Variants in NEBL observed in about 807,000 individuals in gnomAD.
The protein encoded by NEBL is nebulette, also known as LIM and SH3 protein 2.
In NEBL, 122 loss-of-function variants were observed where a neutral mutation model predicts 140.2. The ratio of observed to expected loss-of-function variants is 0.87; its 90% CI spans 0.75 to 1.01. NEBL has a LOEUF of 1.01. NEBL is among the 50% of genes least tolerant of loss of function. NEBL has a pLI of 0.00. For synonymous variants in NEBL, 436 were observed against 398.9 expected (o/e 1.09, Z -1.11); for missense variants, 1,365 against 1,231.3 (o/e 1.11, Z -1.62).
intron 3 of NEBL, among the ~76,000 whole-genome samples, chr10:21,008,551 C>T (rs1838219655): frequency 6.6e-6 from 1 of 152,018 alleles, no homozygotes; most frequent in African/African-American, 2.4e-5. Flanking sequence ...TGAAAAAATG[C>T]TCAACATCAC....
At chr10:21,020,834 G>A (rs997263773) in intron 2 of NEBL, among the ~76,000 whole-genome samples, 12 of 152,054 alleles carry the variant, frequency 7.9e-5, no homozygotes, top group Non-Finnish European at 7.4e-5. Flanking sequence ...CCCCACTCAA[G>A]GTCCTCACCT....
At chr10:21,269,221 G>A (rs1379415227) in intron 1 of NEBL, among the ~76,000 whole-genome samples, 2 of 152,176 alleles carry the variant, frequency 1.3e-5, no homozygotes, top group African/African-American at 4.8e-5. Context: ...AGTCCTCTAA[G>A]AGGGGTTGGT....
intron 2 of NEBL, among the ~76,000 whole-genome samples, chr10:21,095,046 C>T (rs916575203): frequency 6.6e-6 from 1 of 152,186 alleles, no homozygotes; most frequent in African/African-American, 2.4e-5. Context: ...GATCTGGGAA[C>T]CACCTGCATC....
intron 2 of NEBL, among the ~76,000 whole-genome samples, chr10:21,071,607 G>A (rs1047514944): frequency 6.6e-6 from 1 of 152,154 alleles, no homozygotes; most frequent in Non-Finnish European, 1.5e-5. Flanking sequence ...CTAATGCAGT[G>A]GCTGTTCTTT....
At chr10:21,050,374 G>A (rs896979999) in intron 2 of NEBL, among the ~76,000 whole-genome samples, 11 of 152,046 alleles carry the variant, frequency 7.2e-5, no homozygotes, top group Non-Finnish European at 1.6e-4. Flanking sequence ...CACAGCCAAC[G>A]TGTAAAATCC....
Position 21,173,952 on chromosome 10 carries a change from G to A in NEBL, c.-119C>T. 7.3e-7 allele frequency: 1 copy of A among 1,378,338 alleles called. No homozygotes were observed. The highest frequency in any genetic ancestry group is 9.3e-7 in the Non-Finnish European group (1 of 1,077,438). 85.4% of individuals were successfully genotyped at this position (1,378,338 alleles called of 1,614,324 possible). On this transcript the variant is annotated 5_prime_UTR_variant, in exon 1 of 7. Coordinates refer to the NEBL transcript ENST00000417816. This position sits in a 1 kb window ranked among gnomAD's most constrained non-coding sequence, Gnocchi z 5.7. ...GGCGGGAGGGCTGCGGGCGGCGGGC[G>A]CCGGGTAGGGAGTCGGCGCCGGGCC...
intron 26 of NEBL, among the ~76,000 whole-genome samples, chr10:20,802,027 A>C (rs1281878837): frequency 6.6e-6 from 1 of 151,936 alleles, no homozygotes; most frequent in Non-Finnish European, 1.5e-5. Context: ...TCCCCATCAC[A>C]CTCCCATATC....
chr10:21,243,892 G>C (rs545948188), intron 3 of NEBL, among the ~76,000 whole-genome samples: 4 of 149,690 alleles, frequency 2.7e-5, no homozygotes, highest in Non-Finnish European at 4.4e-5. Context: ...GAAAGAGAGA[G>C]AGAGAGGAAG....
At chr10:21,239,693 T>C (rs566151471) in intron 3 of NEBL, among the ~76,000 whole-genome samples, 248 of 152,238 alleles carry the variant, frequency 1.6e-3, no homozygotes, top group African/African-American at 5.6e-3. Context: ...GCCAGCCTCG[T>C]CCAAACTCAG....
rs10828131 is a variant in NEBL, at chr10:20,780,243, T to G, written c.*5504A>C. 45,919 of 152,136 alleles carry G rather than the reference T, an allele frequency of 0.3. 7,124 individuals carry two copies. Among genetic ancestry groups the G allele is most frequent in the East Asian group, 0.45 (2,355 of 5,180 alleles). 9.4% of individuals were successfully genotyped at this position (152,136 alleles called of 1,614,324 possible). On this transcript the variant is annotated 3_prime_UTR_variant, in exon 28 of 28. Coordinates refer to ENST00000377122, the MANE Select transcript of NEBL (RefSeq NM_006393.3). ...TTGCTTCCCATTTTATGTACTCAATTTGTGCACTTTCTATTCTATGCTCCA... is the reference window on the plus strand; with the variant it reads ...TTGCTTCCCATTTTATGTACTCAATGTGTGCACTTTCTATTCTATGCTCCA...
chr10:21,270,389 CAG>C (rs1210611518), intron 1 of NEBL, among the ~76,000 whole-genome samples: 10 of 146,880 alleles, frequency 6.8e-5, no homozygotes, highest in Non-Finnish European at 1.2e-4. Flanking sequence ...TTTTTTGAGA[CAG>C]AGTCTCACTC....
intron 4 of NEBL, among the ~76,000 whole-genome samples, chr10:20,914,574 T>G (rs1848460595): frequency 6.6e-6 from 1 of 152,218 alleles, no homozygotes; most frequent in African/African-American, 2.4e-5. Flanking sequence ...TTGTTCAGGT[T>G]TTCTAATTCC....
rs141311959 is a variant in NEBL, at chr10:20,781,580, A to G, written c.*4167T>C. On this transcript the variant is annotated 3_prime_UTR_variant, in exon 28 of 28. Coordinates refer to ENST00000377122, the MANE Select transcript of NEBL (RefSeq NM_006393.3). ...ATACTATGCAAACTGGATACCATGT[A>G]TCAAGCACAAAAAATCCTATGGCAT... The G allele has an allele frequency of 1.2e-4, 19 of 152,348 alleles. No individual in the cohort carries two copies. Among genetic ancestry groups the G allele is most frequent in the African/African-American group, 4.6e-4 (19 of 41,586 alleles). The allele number at this position is 152,348 out of a possible 1,614,324, so 9.4% of individuals were successfully genotyped here.
chr10:21,121,653 C>T (rs965666467), intron 2 of NEBL, among the ~76,000 whole-genome samples: 1 of 152,138 alleles, frequency 6.6e-6, no homozygotes, highest in African/African-American at 2.4e-5. Flanking sequence ...ATCCAATCTC[C>T]TACCCAATGC....
At chr10:21,221,514 C>CTTTCT (rs772593284) in intron 3 of NEBL, among the ~76,000 whole-genome samples, 19 of 148,642 alleles carry the variant, frequency 1.3e-4, no homozygotes, top group African/African-American at 4.4e-4. Context: ...TTCTTTCTTT[C>CTTTCT]TTTTTTTTTT....
intron 11 of NEBL, 146 bp from the exon 12 acceptor site, chr10:20,845,514 T>A (rs1841837293): frequency 6.7e-6 from 4 of 594,124 alleles, no homozygotes; most frequent in Non-Finnish European, 1.2e-5. Context: ...GGGAAATAAG[T>A]TCAACTTTGT....
chr10:20,991,673 C>T (rs1837459916), intron 3 of NEBL, among the ~76,000 whole-genome samples: 1 of 151,242 alleles, frequency 6.6e-6, no homozygotes, highest in Non-Finnish European at 1.5e-5. Context: ...GGGTATGTTT[C>T]ATGATGCAGA....
chr10:21,151,515 A>G (rs1440433139), intron 2 of NEBL, among the ~76,000 whole-genome samples: 2 of 150,908 alleles, frequency 1.3e-5, no homozygotes, highest in Non-Finnish European at 2.9e-5. Context: ...CAAAGTGAAA[A>G]AAAACTTAAA....
chr10:20,851,872 G>A (rs1051072212), intron 10 of NEBL, among the ~76,000 whole-genome samples: 20 of 152,160 alleles, frequency 1.3e-4, no homozygotes, highest in South Asian at 6.2e-4. Context: ...GAACTGTTTC[G>A]TATATTTTTA....
Sources: allele counts gnomAD v4.1 joint callset (sites outside exome capture counted in the v4.1 genomes callset), GRCh38; gene constraint gnomAD v4.1.1; non-coding constraint Gnocchi (gnomAD v3.1); transcripts MANE v1.5; gene names NCBI Gene and HGNC (gene_info 2026-07-23, HGNC 2026-07-21).